Variants in GPD2 observed in about 807,000 individuals in gnomAD.
GPD2 encodes glycerol-3-phosphate dehydrogenase, mitochondrial.
A neutral mutation model predicts 82.4 loss-of-function variants in GPD2; 54 were observed. That is an observed-to-expected ratio of 0.66 (90% CI 0.53 to 0.82). GPD2 has a LOEUF of 0.82. Ranked by LOEUF, GPD2 falls within the 40% of genes least tolerant of loss-of-function variation. The probability of loss-of-function intolerance (pLI) is 0.00; values close to 1 mark genes in which losing one functional copy is unlikely to be tolerated. For missense variants in GPD2, 748 were observed against 896.2 expected (o/e 0.83, Z 2.11); for synonymous variants, 288 against 306.1 (o/e 0.94, Z 0.62).
At chr2:156,502,976 T>C (rs76477436) in intron 3 of GPD2, among the ~76,000 whole-genome samples, 4,319 of 152,192 alleles carry the variant, frequency 0.028, 109 homozygotes, top group Admixed American at 0.076. Context: ...TTCATGCTCT[T>C]TTTCCATACC....
chr2:156,455,944 T>C (rs1340079395), intron 1 of GPD2, among the ~76,000 whole-genome samples: 1 of 152,192 alleles, frequency 6.6e-6, no homozygotes, highest in Non-Finnish European at 1.5e-5. Flanking sequence ...AAATTATATA[T>C]TTTTTGCTTC....
At position 156,553,125 on chromosome 2, in the gene GPD2, G is replaced by A. The variant is rs141750465; in HGVS notation, c.971+2379G>A. On this transcript the variant is annotated intron_variant, in intron 8 of 16. Transcript: ENST00000438166. ...GCTGGTATCAAACTCCTGGCCTCAA[G>A]TGATCTGCCCGCCTCGCCTCCCAAA... Among the ~76,000 whole-genome samples, 449 of 152,012 alleles carry A rather than the reference G, an allele frequency of 3.0e-3. 5 individuals carry two copies. The highest frequency in any genetic ancestry group is 9.6e-3 in the African/African-American group (400 of 41,466).
At chr2:156,408,836 C>T in the GPD2 span, among the ~76,000 whole-genome samples, 1 of 151,712 alleles carries the variant, frequency 6.6e-6, no homozygotes, top group African/African-American at 2.4e-5. Flanking sequence ...AATTTTGTTG[C>T]CCAAAAATGT....
chr2:156,556,359 T>G (rs1330640035), intron 8 of GPD2, among the ~76,000 whole-genome samples: 1 of 152,212 alleles, frequency 6.6e-6, no homozygotes, highest in Non-Finnish European at 1.5e-5. Flanking sequence ...TATCTGAAGA[T>G]TTGTAGTGTT....
rs1432869119 is a variant in GPD2 at position 156,579,067 on chromosome 2, A to G, written c.1881-19A>G. On this transcript the variant is annotated intron_variant, in intron 14 of 16. Coordinates refer to ENST00000438166, the MANE Select transcript of GPD2 (RefSeq NM_000408.5). ...GCCTATGTAAGTATATTTTTCCATT[A>G]TTTAATCTTGTGTTCCAGGTATAAG... is the stretch of plus-strand genomic sequence containing the variant. 3 of 1,581,610 alleles carry G rather than the reference A, an allele frequency of 1.9e-6. No individual in the cohort carries two copies. Among genetic ancestry groups the G allele is most frequent in the East Asian group, 2.2e-5 (1 of 44,626 alleles).
intron 2 of GPD2, among the ~76,000 whole-genome samples, chr2:156,488,251 G>A (rs868085344): frequency 3.3e-5 from 5 of 152,180 alleles, no homozygotes; most frequent in African/African-American, 1.2e-4. Context: ...ATCACAAAGT[G>A]ATTCAGGAAG....
chr2:156,487,429 C>T (rs905145074), intron 2 of GPD2, among the ~76,000 whole-genome samples: 4 of 152,214 alleles, frequency 2.6e-5, no homozygotes, highest in Admixed American at 6.5e-5. Flanking sequence ...TAACTGCCAT[C>T]AACAGTTCTG....
intron 9 of GPD2, among the ~76,000 whole-genome samples, chr2:156,566,389 CCAACCCCTT>C (rs961226851): frequency 4.6e-5 from 7 of 152,030 alleles, no homozygotes; most frequent in African/African-American, 1.7e-4. Context: ...TCCCCCTCTC[CCAACCCCTT>C]GGCAACTACC....
intron 6 of GPD2, among the ~76,000 whole-genome samples, chr2:156,526,538 G>A (rs1685615324): frequency 6.6e-6 from 1 of 152,114 alleles, no homozygotes; most frequent in Non-Finnish European, 1.5e-5. Context: ...GGTAAAATTT[G>A]TGTTGATATG....
At chr2:156,530,410 A>G (rs1245026496) in intron 6 of GPD2, among the ~76,000 whole-genome samples, 1 of 150,892 alleles carries the variant, frequency 6.6e-6, no homozygotes, top group Admixed American at 6.6e-5. Flanking sequence ...TTCCTAACTG[A>G]ATACCCTTTA....
At position 156,444,133 on chromosome 2, in the gene GPD2, G is replaced by A. The variant is rs145605732; in HGVS notation, c.-9+7620G>A. Among the ~76,000 whole-genome samples the A allele has an allele frequency of 2.8e-4, 43 of 152,254 alleles. No homozygotes were observed. In the East Asian group the frequency reaches 6.8e-3, roughly 24 times the overall value. On this transcript the variant is annotated intron_variant, in intron 1 of 16. Coordinates refer to ENST00000438166, the MANE Select transcript of GPD2 (RefSeq NM_000408.5). ...ATGAAATGTTTATTTCTCTTGTCCT[G>A]CCTAAAAGGAAGCCAGTCATGGCCA...
At chr2:156,538,595 T>G (rs1406924157) in intron 6 of GPD2, among the ~76,000 whole-genome samples, 1 of 151,344 alleles carries the variant, frequency 6.6e-6, no homozygotes, top group South Asian at 2.1e-4. Context: ...CCAAGGTGGG[T>G]GGATCACGAG....
Position 156,583,813 on chromosome 2 carries a change from G to A in GPD2, c.*895G>A, listed in dbSNP as rs1452951427. ...ATTATTACAGTAGTAATACATTTAA[G>A]AGTTAAAAATGTGTTTTTATATATC... On this transcript the variant is annotated 3_prime_UTR_variant, in exon 17 of 17. Coordinates refer to ENST00000438166, the MANE Select transcript of GPD2 (RefSeq NM_000408.5). 1 of 152,402 alleles carries A rather than the reference G, an allele frequency of 6.6e-6. No homozygotes were observed. Among genetic ancestry groups the A allele is most frequent in the Non-Finnish European group, 1.5e-5 (1 of 67,980 alleles). The allele number at this position is 152,402 out of a possible 1,614,324, so 9.4% of individuals were successfully genotyped here. A position where few individuals can be genotyped will look rare whatever the true frequency, so the allele number is the denominator to read the frequency against.
At chr2:156,470,346 C>T (rs1489598789) in intron 1 of GPD2, among the ~76,000 whole-genome samples, 4 of 152,086 alleles carry the variant, frequency 2.6e-5, no homozygotes, top group African/African-American at 7.2e-5. Flanking sequence ...GAGGTGTGCG[C>T]CACCATGCCC....
chr2:156,431,677 A>G (rs761952759), upstream of GPD2, among the ~76,000 whole-genome samples: 2 of 152,140 alleles, frequency 1.3e-5, no homozygotes, highest in Non-Finnish European at 2.9e-5. Context: ...AATTCTTGTT[A>G]TATTAGGAGC....
intron 1 of GPD2, among the ~76,000 whole-genome samples, chr2:156,459,233 A>G (rs1360609862): frequency 1.3e-5 from 2 of 152,026 alleles, no homozygotes; most frequent in African/African-American, 4.8e-5. Flanking sequence ...TTTCAGTATG[A>G]AAGTGTTGCT....
chr2:156,558,623 A>T (rs915436357), intron 9 of GPD2, among the ~76,000 whole-genome samples: 2 of 151,980 alleles, frequency 1.3e-5, no homozygotes, highest in African/African-American at 2.4e-5. Flanking sequence ...TTTGAGATGG[A>T]GTCTCACTCT....
the GPD2 span, among the ~76,000 whole-genome samples, chr2:156,414,351 A>G: frequency 6.6e-6 from 1 of 152,226 alleles, no homozygotes; most frequent in East Asian, 1.9e-4. Flanking sequence ...AATTGTATAT[A>G]AACTGCAGGT....
In GPD2 at chr2:156,578,953, A is replaced by C; in HGVS notation, c.1832A>C (p.Gln611Pro). ...YEMGYKSRSE[Q>P]LTDRSEISLL... Reference sequence around the variant, plus strand: ...ATGGGCTATAAATCTCGATCAGAACAGTTAACAGATCGCTCTGAAATTAGC... The same window carrying C: ...ATGGGCTATAAATCTCGATCAGAACCGTTAACAGATCGCTCTGAAATTAGC... The change falls in exon 14 of 17, where the codon CAG becomes CCG. Residue 611 changes from glutamine to proline, a missense_variant. Around this residue, in one of 3 missense-constraint regions of GPD2, gnomAD observed 692 missense variants for 809.7 expected, o/e 0.85. Coordinates refer to ENST00000438166, the MANE Select transcript of GPD2 (RefSeq NM_000408.5). The C allele has an allele frequency of 6.2e-7, 1 of 1,612,234 alleles. No homozygotes were observed. Among genetic ancestry groups the C allele is most frequent in the Non-Finnish European group, 8.5e-7 (1 of 1,178,406 alleles).
Sources: gnomAD v4.1 joint callset for allele counts (sites outside exome capture counted in the v4.1 genomes callset) on GRCh38, gnomAD v4.1.1 for gene constraint, gnomAD v4.1.1 regional missense constraint, MANE v1.5 for transcripts, NCBI Gene and HGNC (gene_info 2026-07-23, HGNC 2026-07-21) for gene names.